DLGAP5: variants seen among roughly 807,000 people sequenced by gnomAD.
DLGAP5 encodes the protein disks large-associated protein 5.
Under a neutral mutation model 99.6 loss-of-function variants are expected in DLGAP5, and 90 were observed. The observed-to-expected ratio is 0.90, with a 90% CI of 0.76 to 1.08. The LOEUF is 1.08. DLGAP5 is among the 50% of genes least tolerant of loss of function. DLGAP5 has a pLI of 0.00. For synonymous variants in DLGAP5, 311 were observed against 321.3 expected, an observed-to-expected ratio of 0.97 and a Z score of 0.34; for missense variants, 1,036 against 983.5, an observed-to-expected ratio of 1.05 and a Z score of -0.71.
rs772860174 is a variant in DLGAP5 at position 55,182,439 on chromosome 14, A to G, written c.433-7T>C. On this transcript the variant is annotated splice_polypyrimidine_tract_variant and splice_region_variant and intron_variant, in intron 3 of 18. Transcript: ENST00000247191. ...GTACAGAAGATGGAATAGCCTTAGA[A>G]CAGTCAAAAGAAGATGAACTTAAAA... 4.4e-6 allele frequency: 7 copies of G among 1,604,516 alleles called. No individual in the cohort carries two copies. The South Asian group carries it at 6.7e-5, about 15-fold the overall frequency.
chr14:55,179,685 C>T lies in DLGAP5; in HGVS notation c.718G>A (p.Gly240Arg), dbSNP rs2139522523. Residue 240 changes from glycine to arginine, a missense_variant, in exon 7 of 19, where the codon GGA (glycine) becomes AGA (arginine). Gly to Arg is a moderately radical substitution (Grantham distance 125). Coordinates refer to ENST00000247191, the MANE Select transcript of DLGAP5 (RefSeq NM_014750.5). ...TRAANENEPE[G>R]KVPSKGRPAK... ...GGTCTTCCTTTACTTGGCACCTTTCCTTCTGGTTCGTTTTCTAAAACAACA... is the reference window on the plus strand; with the variant it reads ...GGTCTTCCTTTACTTGGCACCTTTCTTTCTGGTTCGTTTTCTAAAACAACA... 1.2e-6 allele frequency: 2 copies of T among 1,610,178 alleles called. No individual in the cohort carries two copies. The highest frequency in any genetic ancestry group is 1.7e-6 in the Non-Finnish European group (2 of 1,178,400).
intron 13 of DLGAP5, among the ~76,000 whole-genome samples, chr14:55,161,408 ATTTTTTT>A (rs551424574): frequency 2.6e-5 from 3 of 115,906 alleles, no homozygotes; most frequent in Non-Finnish European, 5.4e-5. Flanking sequence ...TAAAAAAAAA[ATTTTTTT>A]TTTTTTTTTT....
intron 7 of DLGAP5, among the ~76,000 whole-genome samples, chr14:55,178,629 G>T (rs549037664): frequency 2.6e-4 from 39 of 152,324 alleles, no homozygotes; most frequent in African/African-American, 9.1e-4. Context: ...CTTAAGGGGG[G>T]ACCTATAAGG....
Position 55,175,355 on chromosome 14 carries a change from G to A in DLGAP5, c.1292C>T (p.Pro431Leu), listed in dbSNP as rs1333859772. ...AAACACACAGACATACCTGAAATAT[G>A]GCACACCATGGTGGGGCTGAGCAAT... ...GRIAQPHHGV[P>L]YFRNILQSET... The change falls in exon 10 of 19, where the codon CCA becomes CTA. Residue 431 changes from proline to leucine, a missense_variant. Physicochemically the swap from Pro to Leu is moderately conservative, Grantham distance 98. Transcript: ENST00000247191. 1.2e-6 allele frequency: 2 copies of A among 1,608,628 alleles called. No homozygotes were observed. The highest frequency in any genetic ancestry group is 1.1e-5 in the South Asian group (1 of 89,546).
intron 3 of DLGAP5, among the ~76,000 whole-genome samples, chr14:55,182,974 C>T (rs10140700): frequency 0.027 from 4,043 of 152,200 alleles, 173 homozygotes; most frequent in African/African-American, 0.093. Context: ...TATTAACATG[C>T]ACCCACTTAA....
At chr14:55,176,545 TAAC>T (rs2140323684) in intron 8 of DLGAP5, among the ~76,000 whole-genome samples, 1 of 152,216 alleles carries the variant, frequency 6.6e-6, no homozygotes, top group East Asian at 1.9e-4. Context: ...ATAGTGAAAA[TAAC>T]AATGCATAGG....
intron 13 of DLGAP5, 114 bp downstream of exon 13, chr14:55,162,857 G>A: frequency 4.1e-6 from 2 of 492,416 alleles, no homozygotes; most frequent in Non-Finnish European, 6.9e-6. Flanking sequence ...AAACCTAAAT[G>A]TTTTTAAAAC....
chr14:55,182,277 ATG>A, intron 4 of DLGAP5, 91 bp downstream of exon 4: 1 of 1,065,464 alleles, frequency 9.4e-7, no homozygotes, highest in Non-Finnish European at 1.4e-6. Flanking sequence ...ATTAATCATT[ATG>A]TTTGAATCTG....
intron 13 of DLGAP5, among the ~76,000 whole-genome samples, chr14:55,159,303 G>C (rs28459500): frequency 0.026 from 3,930 of 152,232 alleles, 165 homozygotes; most frequent in African/African-American, 0.09. Flanking sequence ...AAAATCACCT[G>C]CATGTAATGG....
chr14:55,180,705 T>G lies in DLGAP5; in HGVS notation c.654A>C (p.Arg218Ser). ...SATQAAKQVP[R>S]TVSSTTARKP... ...TTCTTGCTGTGGTAGATGAGACTGTTCTGGGAACCTGCTTTGCTGCTTGAG... is the reference window on the plus strand; with the variant it reads ...TTCTTGCTGTGGTAGATGAGACTGTGCTGGGAACCTGCTTTGCTGCTTGAG... The change falls in exon 6 of 19, where the codon AGA (arginine) becomes AGC (serine). Residue 218 changes from arginine (R) to serine (S), a missense_variant. Transcript: ENST00000247191. 6.2e-7 allele frequency: 1 copy of G among 1,614,158 alleles called. No homozygotes were observed. Among genetic ancestry groups the G allele is most frequent in the Non-Finnish European group, 8.5e-7 (1 of 1,179,998 alleles).
At chr14:55,157,641 T>C (rs1882261056) in intron 14 of DLGAP5, among the ~76,000 whole-genome samples, 1 of 152,236 alleles carries the variant, frequency 6.6e-6, no homozygotes, top group African/African-American at 2.4e-5. Flanking sequence ...TTCCTGAATA[T>C]TAAAAACTGC....
intron 4 of DLGAP5, among the ~76,000 whole-genome samples, chr14:55,182,165 G>A (rs1374070164): frequency 6.6e-6 from 1 of 152,162 alleles, no homozygotes; most frequent in African/African-American, 2.4e-5. Context: ...AAGACAGTTT[G>A]CCATGGATCT....
chr14:55,161,898 A>C (rs1034259243), intron 13 of DLGAP5, among the ~76,000 whole-genome samples: 61 of 147,450 alleles, frequency 4.1e-4, no homozygotes, highest in Non-Finnish European at 8.3e-4. Flanking sequence ...AAAAAAAAAA[A>C]AAGAATTTTT....
intron 13 of DLGAP5, 44 bp downstream of exon 13, chr14:55,162,927 T>C (rs750872286): frequency 8.8e-6 from 10 of 1,130,410 alleles, no homozygotes; most frequent in Non-Finnish European, 1.3e-5. Context: ...TAACAGTTCC[T>C]TAACTAAAAA....
chr14:55,188,490 T>C (rs1444652519), intron 2 of DLGAP5, among the ~76,000 whole-genome samples: 1 of 152,200 alleles, frequency 6.6e-6, no homozygotes, highest in Non-Finnish European at 1.5e-5. Flanking sequence ...ATTTATCTTG[T>C]CAACACTTAT....
chr14:55,154,946 CT>C (rs1197889933), intron 14 of DLGAP5, 140 bp from the exon 15 acceptor site: 9 of 709,344 alleles, frequency 1.3e-5, no homozygotes, highest in Non-Finnish European at 1.8e-5. Flanking sequence ...CTGGGACTTT[CT>C]GTTAAAGATA....
At chr14:55,157,091 T>C (rs553604490) in intron 14 of DLGAP5, among the ~76,000 whole-genome samples, 307 of 152,316 alleles carry the variant, frequency 2.0e-3, no homozygotes, top group Non-Finnish European at 3.6e-3. Context: ...TTGAAAGTAG[T>C]TGCTTCTAGG....
At chr14:55,150,218 T>C (rs1881968815) in intron 18 of DLGAP5, 1 of 152,304 alleles carries the variant, frequency 6.6e-6, no homozygotes, top group Non-Finnish European at 1.5e-5. Context: ...ATTTTATTCC[T>C]TAAGTTATAT....
chr14:55,149,793 C>G (rs1881947074), intron 18 of DLGAP5, among the ~76,000 whole-genome samples: 1 of 117,666 alleles, frequency 8.5e-6, no homozygotes, highest in African/African-American at 3.8e-5. Context: ...CGCCTGTAAT[C>G]CCAGCACTTT....
Sources: allele counts gnomAD v4.1 joint callset (sites outside exome capture counted in the v4.1 genomes callset), GRCh38; gene constraint gnomAD v4.1.1; transcripts MANE v1.5; gene names NCBI Gene and HGNC (gene_info 2026-07-23, HGNC 2026-07-21).